The following SH3RF3 variants were observed in gnomAD, a reference collection of about 807,000 sequenced individuals.
SH3RF3 encodes the protein E3 ubiquitin-protein ligase SH3RF3.
SH3RF3 carries 29 observed loss-of-function variants against 66.3 expected under a neutral mutation model. The ratio of observed to expected loss-of-function variants is 0.44; its 90% CI spans 0.33 to 0.60. The LOEUF is 0.60. Among genes scored for constraint, SH3RF3 ranks in the 20% least tolerant of loss-of-function variants. The pLI is 0.04. For synonymous variants in SH3RF3, 583 were observed against 532.0 expected, an observed-to-expected ratio of 1.10 and a Z score of -1.32; for missense variants, 1,194 against 1,190.9, an observed-to-expected ratio of 1.00 and a Z score of -0.04.
intron 1 of SH3RF3, among the ~76,000 whole-genome samples, chr2:109,248,839 C>T (rs1479229681): frequency 6.8e-6 from 1 of 146,710 alleles, no homozygotes; most frequent in Non-Finnish European, 1.5e-5. Flanking sequence ...CTCTTTTCTC[C>T]TTTTCGTTTT....
At chr2:109,449,073 C>T (rs1259113536) in intron 7 of SH3RF3, 97 bp from the exon 8 acceptor site, 6 of 1,417,302 alleles carry the variant, frequency 4.2e-6, no homozygotes, top group East Asian at 2.5e-5. Flanking sequence ...TGTGAGTGCT[C>T]GAGAAGGGAG....
At chr2:109,362,148 G>T (rs1201413608) in intron 2 of SH3RF3, among the ~76,000 whole-genome samples, 3 of 151,918 alleles carry the variant, frequency 2.0e-5, no homozygotes, top group Non-Finnish European at 4.4e-5. Context: ...CTAAAGTGAA[G>T]ATTTAGATTA....
At chr2:109,216,596 G>A (rs1450900093) in intron 1 of SH3RF3, among the ~76,000 whole-genome samples, 1 of 152,216 alleles carries the variant, frequency 6.6e-6, no homozygotes. Context: ...AGCGTTTCCT[G>A]AAGGTGAGAT....
intron 1 of SH3RF3, among the ~76,000 whole-genome samples, chr2:109,216,321 T>A (rs1043552893): frequency 2.0e-5 from 3 of 152,234 alleles, no homozygotes; most frequent in Admixed American, 6.5e-5. Context: ...CTCAGCTTAG[T>A]GATCCCACCT....
At chr2:109,349,588 G>A (rs186084400) in intron 2 of SH3RF3, among the ~76,000 whole-genome samples, 60 of 152,300 alleles carry the variant, frequency 3.9e-4, no homozygotes, top group African/African-American at 1.3e-3. Context: ...CTCAGGGTCC[G>A]GTCAGGGCCT....
At chr2:109,391,404 C>T (rs1675989812) in intron 3 of SH3RF3, among the ~76,000 whole-genome samples, 1 of 152,220 alleles carries the variant, frequency 6.6e-6, no homozygotes, top group Non-Finnish European at 1.5e-5. Context: ...AGGTCACCCA[C>T]AGGCTCGGGG....
intron 1 of SH3RF3, among the ~76,000 whole-genome samples, chr2:109,160,921 G>A (rs1677473141): frequency 6.6e-6 from 1 of 152,176 alleles, no homozygotes; most frequent in Non-Finnish European, 1.5e-5. Context: ...GGGATTAGAG[G>A]ATTAGAGCCT....
At chr2:109,314,662 C>A (rs1358762562) in intron 1 of SH3RF3, among the ~76,000 whole-genome samples, 1 of 152,248 alleles carries the variant, frequency 6.6e-6, no homozygotes. Context: ...ATTAATCCTC[C>A]TTTACATGCA....
At position 109,129,238 on chromosome 2, in the gene SH3RF3, C is replaced by T. The variant is rs1676614505; in HGVS notation, c.-303C>T. 1 of 566,624 alleles carries T rather than the reference C, an allele frequency of 1.8e-6. No homozygotes were observed. Among genetic ancestry groups the T allele is most frequent in the Non-Finnish European group, 3.2e-6 (1 of 314,404 alleles). The allele number at this position is 566,624 out of a possible 1,614,324, so 35.1% of individuals were successfully genotyped here. Reference sequence around the variant, plus strand: ...CGTTGAGCTTCGTGCCCGGCAGCACCCCCGGTCCCCCGCGCGGGGCGGACT... The same window carrying T: ...CGTTGAGCTTCGTGCCCGGCAGCACTCCCGGTCCCCCGCGCGGGGCGGACT... On this transcript the variant is annotated 5_prime_UTR_variant, in exon 1 of 10. Transcript: ENST00000309415.
chr2:109,335,453 T>A (rs1334917763), intron 1 of SH3RF3, among the ~76,000 whole-genome samples: 1 of 152,074 alleles, frequency 6.6e-6, no homozygotes, highest in Non-Finnish European at 1.5e-5. Context: ...TCTCTGCCCC[T>A]CAGGGCTGGG....
intron 7 of SH3RF3, among the ~76,000 whole-genome samples, chr2:109,447,052 G>A (rs1459577784): frequency 1.3e-5 from 2 of 151,230 alleles, no homozygotes; most frequent in Admixed American, 6.6e-5. Flanking sequence ...CTGGATCTGC[G>A]TGATTGCCTG....
At chr2:109,148,203 C>A (rs536137209) in intron 1 of SH3RF3, among the ~76,000 whole-genome samples, 1 of 152,200 alleles carries the variant, frequency 6.6e-6, no homozygotes. Flanking sequence ...CCTGCCTGCT[C>A]TAGGACTCAG....
chr2:109,331,626 G>A (rs976219919), intron 1 of SH3RF3, among the ~76,000 whole-genome samples: 5 of 152,092 alleles, frequency 3.3e-5, no homozygotes, highest in Non-Finnish European at 5.9e-5. Flanking sequence ...AGTTTATTTT[G>A]TGTATGTCTC....
intron 7 of SH3RF3, among the ~76,000 whole-genome samples, chr2:109,441,146 A>AAAT (rs1677552464): frequency 6.6e-6 from 1 of 151,632 alleles, no homozygotes; most frequent in Non-Finnish European, 1.5e-5. Context: ...AAAAAAAAAA[A>AAAT]TTCCAGCTCT....
At chr2:109,204,620 C>A (rs1300175497) in intron 1 of SH3RF3, among the ~76,000 whole-genome samples, 1 of 152,230 alleles carries the variant, frequency 6.6e-6, no homozygotes, top group Non-Finnish European at 1.5e-5. Context: ...CCACCTACTC[C>A]ACCACCAGGT....
At chr2:109,277,001 C>T (rs1268320832) in intron 1 of SH3RF3, among the ~76,000 whole-genome samples, 1 of 152,074 alleles carries the variant, frequency 6.6e-6, no homozygotes, top group Non-Finnish European at 1.5e-5. Flanking sequence ...GGCAAATGGA[C>T]AGAATCAACA....
chr2:109,482,012 A>G (rs1306420109), intron 8 of SH3RF3, among the ~76,000 whole-genome samples: 3 of 152,236 alleles, frequency 2.0e-5, no homozygotes, highest in African/African-American at 7.2e-5. Flanking sequence ...CCTTCCAGTT[A>G]CTGAATGGCG....
intron 7 of SH3RF3, among the ~76,000 whole-genome samples, chr2:109,445,576 A>G (rs1677681480): frequency 6.6e-6 from 1 of 152,224 alleles, no homozygotes; most frequent in African/African-American, 2.4e-5. Flanking sequence ...TAGAAGGAAG[A>G]TTATTTATTA....
intron 1 of SH3RF3, among the ~76,000 whole-genome samples, chr2:109,312,907 G>A (rs1184586511): frequency 6.6e-6 from 1 of 152,110 alleles, no homozygotes; most frequent in Non-Finnish European, 1.5e-5. Flanking sequence ...GCTGGGTCAC[G>A]TGGTCATCCT....
Sources: gnomAD v4.1 joint callset for allele counts (sites outside exome capture counted in the v4.1 genomes callset) on GRCh38, gnomAD v4.1.1 for gene constraint, MANE v1.5 for transcripts, NCBI Gene and HGNC (gene_info 2026-07-23, HGNC 2026-07-21) for gene names.